The following SNTB1 variants were observed in gnomAD, a reference collection of about 807,000 sequenced individuals.
SNTB1 encodes syntrophin beta 1.
In SNTB1, 36 loss-of-function variants were observed where a neutral mutation model predicts 48.9. The ratio of observed to expected loss-of-function variants is 0.74; its 90% CI spans 0.56 to 0.97. The LOEUF (loss-of-function observed/expected upper bound fraction) is 0.97. Among genes scored for constraint, SNTB1 ranks in the 50% least tolerant of loss-of-function variants. The pLI, the probability that SNTB1 is intolerant of heterozygous loss-of-function variation, is 0.00. For synonymous variants in SNTB1, 299 were observed against 294.6 expected, an observed-to-expected ratio of 1.01 and a Z score of -0.15; for missense variants, 786 against 703.4, an observed-to-expected ratio of 1.12 and a Z score of -1.33.
intron 4 of SNTB1, among the ~76,000 whole-genome samples, chr8:120,566,402 C>T (rs1454121998): frequency 6.6e-6 from 1 of 151,632 alleles, no homozygotes; most frequent in African/African-American, 2.4e-5. Context: ...GCCCTTCCAC[C>T]CACGTGAGAA....
At chr8:120,642,449 C>G (rs1244168402) in intron 2 of SNTB1, among the ~76,000 whole-genome samples, 1 of 152,182 alleles carries the variant, frequency 6.6e-6, no homozygotes, top group Non-Finnish European at 1.5e-5. Flanking sequence ...AAATGTTCCA[C>G]AAATTATACA....
intron 4 of SNTB1, among the ~76,000 whole-genome samples, chr8:120,550,336 G>T (rs1242646482): frequency 6.6e-6 from 1 of 151,986 alleles, no homozygotes; most frequent in African/African-American, 2.4e-5. Context: ...GAGGTCAGAA[G>T]TTTGAGACCA....
intron 3 of SNTB1, among the ~76,000 whole-genome samples, chr8:120,591,562 G>A (rs7015089): frequency 0.18 from 26,808 of 152,038 alleles, 2,899 homozygotes; most frequent in East Asian, 0.44. Flanking sequence ...CAGAAAACAC[G>A]TTATCCATGA....
intron 1 of SNTB1, among the ~76,000 whole-genome samples, chr8:120,810,722 G>A (rs1230623231): frequency 6.6e-6 from 1 of 152,072 alleles, no homozygotes; most frequent in Non-Finnish European, 1.5e-5. Flanking sequence ...AAGGATAGTC[G>A]GAGTTTTAGC....
chr8:120,712,369 C>T (rs543407098), intron 1 of SNTB1, among the ~76,000 whole-genome samples: 62 of 139,484 alleles, frequency 4.4e-4, no homozygotes, highest in Non-Finnish European at 6.9e-4. Context: ...GAGCCGAGAT[C>T]ACACCACTGC....
intron 1 of SNTB1, among the ~76,000 whole-genome samples, chr8:120,703,130 T>A (rs1033384362): frequency 1.3e-4 from 20 of 152,324 alleles, no homozygotes; most frequent in African/African-American, 3.6e-4. Flanking sequence ...TCATATTTTT[T>A]AATTTTTTTT....
At chr8:120,719,506 C>A (rs545169742) in intron 1 of SNTB1, among the ~76,000 whole-genome samples, 98 of 152,238 alleles carry the variant, frequency 6.4e-4, no homozygotes, top group Middle Eastern at 3.4e-3. Context: ...GAAGCATGGA[C>A]AAGTGGTTGG....
intron 5 of SNTB1, among the ~76,000 whole-genome samples, chr8:120,543,053 A>G (rs1815319024): frequency 6.6e-6 from 1 of 152,050 alleles, no homozygotes. Context: ...CAAAGCAAAA[A>G]CCTCTTGAGC....
At position 120,750,248 on chromosome 8, in the gene SNTB1, T is replaced by C. The variant is rs543338273; in HGVS notation, c.572-56340A>G. ...TTAAACCTTTGTATCTCCAGCACCC[T>C]GTGCCCAGGGTCTGGTGATAGCAAA... On this transcript the variant is annotated intron_variant, in intron 1 of 6. Coordinates refer to ENST00000517992, the MANE Select transcript of SNTB1 (RefSeq NM_021021.4). Among the ~76,000 whole-genome samples the C allele has an allele frequency of 6.6e-5, 10 of 151,618 alleles. No homozygotes were observed. In the East Asian group the frequency reaches 1.2e-3, roughly 18 times the overall value.
intron 1 of SNTB1, among the ~76,000 whole-genome samples, chr8:120,734,726 G>A (rs1197066981): frequency 6.6e-6 from 1 of 152,168 alleles, no homozygotes; most frequent in African/African-American, 2.4e-5. Context: ...ACACAGCTTG[G>A]TGGAACCTCC....
chr8:120,587,597 G>A (rs1344384929), intron 3 of SNTB1, among the ~76,000 whole-genome samples: 1 of 152,204 alleles, frequency 6.6e-6, no homozygotes, highest in African/African-American at 2.4e-5. Flanking sequence ...AGCAACTAAA[G>A]TCACACCTAG....
intron 2 of SNTB1, among the ~76,000 whole-genome samples, chr8:120,662,817 G>GA (rs1817612174): frequency 6.6e-6 from 1 of 152,084 alleles, no homozygotes; most frequent in Non-Finnish European, 1.5e-5. Context: ...AACATAAACT[G>GA]AAAGAGGTTA....
intron 3 of SNTB1, among the ~76,000 whole-genome samples, chr8:120,598,022 CT>C (rs1260052063): frequency 6.6e-6 from 1 of 152,140 alleles, no homozygotes; most frequent in Non-Finnish European, 1.5e-5. Context: ...CAAGAGTAAA[CT>C]TTTTTCTGTT....
chr8:120,564,891 G>A (rs1038955093), intron 4 of SNTB1, among the ~76,000 whole-genome samples: 17 of 152,078 alleles, frequency 1.1e-4, no homozygotes, highest in African/African-American at 3.9e-4. Context: ...TTTTTTAGAT[G>A]TGGAAACAGA....
At chr8:120,655,263 G>C (rs976365022) in intron 2 of SNTB1, among the ~76,000 whole-genome samples, 4 of 152,098 alleles carry the variant, frequency 2.6e-5, no homozygotes, top group African/African-American at 9.7e-5. Context: ...ATGTGAAAAA[G>C]ATAACATCAA....
Position 120,616,758 on chromosome 8 carries a change from A to G in SNTB1, c.996+15686T>C, listed in dbSNP as rs1482911986. ...GGTCAAACTAATCATTTCAACACCA[A>G]GGATCAGCTTTCTTATTAGCACAAT... On this transcript the variant is annotated intron_variant, in intron 3 of 6. Transcript: ENST00000517992. 3.3e-5 allele frequency among the ~76,000 whole-genome samples: 5 copies of G among 152,242 alleles called. No individual in the cohort carries two copies. In the East Asian group the frequency reaches 9.6e-4, roughly 29 times the overall value.
At chr8:120,600,496 C>T (rs1587019970) in intron 3 of SNTB1, among the ~76,000 whole-genome samples, 2 of 152,194 alleles carry the variant, frequency 1.3e-5, no homozygotes, top group African/African-American at 4.8e-5. Flanking sequence ...CGGCTAAACC[C>T]AGTCAGCCCA....
chr8:120,673,036 G>A (rs4455881), intron 2 of SNTB1, among the ~76,000 whole-genome samples: 20,463 of 152,142 alleles, frequency 0.13, 2,443 homozygotes, highest in African/African-American at 0.32. Context: ...GTCCACTGTG[G>A]TTCTGGCTTT....
intron 2 of SNTB1, among the ~76,000 whole-genome samples, chr8:120,675,699 T>C (rs1458402066): frequency 6.6e-6 from 1 of 152,222 alleles, no homozygotes; most frequent in Non-Finnish European, 1.5e-5. Context: ...GACTATTTGG[T>C]GAGCACTACT....
Sources: gnomAD v4.1 joint callset for allele counts (sites outside exome capture counted in the v4.1 genomes callset) on GRCh38, gnomAD v4.1.1 for gene constraint, MANE v1.5 for transcripts, NCBI Gene and HGNC (gene_info 2026-07-23, HGNC 2026-07-21) for gene names.